The following FBLN1 variants were observed in gnomAD, a reference collection of about 807,000 sequenced individuals.
FBLN1 encodes the protein fibulin-1.
FBLN1 carries 34 observed loss-of-function variants against 89.7 expected under a neutral mutation model. The ratio of observed to expected loss-of-function variants is 0.38; its 90% CI spans 0.29 to 0.50. The LOEUF is 0.50. FBLN1 is among the 20% of genes least tolerant of loss of function. The probability of loss-of-function intolerance (pLI) is 0.92; values close to 1 mark genes in which losing one functional copy is unlikely to be tolerated. For missense variants in FBLN1, 777 were observed against 988.1 expected (o/e 0.79, Z 2.86); for synonymous variants, 393 against 391.3 (o/e 1.00, Z -0.05).
At chr22:45,585,533 C>T (rs1026357657) in intron 16 of FBLN1, among the ~76,000 whole-genome samples, 4 of 152,236 alleles carry the variant, frequency 2.6e-5, no homozygotes, top group Non-Finnish European at 5.9e-5. Context: ...AGTGATTGCC[C>T]TGTCCTGGCT....
chr22:45,568,590 G>A (rs866901063), intron 14 of FBLN1, among the ~76,000 whole-genome samples: 22 of 61,600 alleles, frequency 3.6e-4, no homozygotes, highest in African/African-American at 2.0e-3. Context: ...TGCTCCTGTA[G>A]GGGAATGCTC....
In FBLN1 at chr22:45,525,996, G is replaced by A. The variant is rs137920743; in HGVS notation, c.321+318G>A. On this transcript the variant is annotated intron_variant, in intron 3 of 16. Transcript: ENST00000327858. ...CAGAAGTCAAAGCAGGGCTCCTCCT[G>A]GGCTTCCAGAATCTTCTTCTCAATT... Among the ~76,000 whole-genome samples the A allele has an allele frequency of 2.8e-3, 422 of 152,328 alleles. 1 individual carries two copies. The highest frequency in any genetic ancestry group is 9.9e-3 in the African/African-American group (411 of 41,566).
intron 14 of FBLN1, among the ~76,000 whole-genome samples, chr22:45,559,917 T>G (rs2147008765): frequency 6.6e-6 from 1 of 152,382 alleles, no homozygotes; most frequent in Admixed American, 6.5e-5. Flanking sequence ...CAAGGGGTTC[T>G]GGGTCTGTAA....
chr22:45,508,555 C>T (rs1166685289), intron 1 of FBLN1, among the ~76,000 whole-genome samples: 2 of 152,154 alleles, frequency 1.3e-5, no homozygotes, highest in Non-Finnish European at 2.9e-5. Context: ...GCCACCGCGC[C>T]CAGCCAGCCT....
At chr22:45,571,430 A>G (rs1293456906) in intron 14 of FBLN1, among the ~76,000 whole-genome samples, 3 of 152,266 alleles carry the variant, frequency 2.0e-5, no homozygotes, top group Admixed American at 2.0e-4. Flanking sequence ...AGAGTATAGT[A>G]TGAATTACTG....
rs1476974755 is a variant in FBLN1, at chr22:45,541,192, G to A, written c.923-37G>A. 2 of 1,614,080 alleles carry A rather than the reference G, an allele frequency of 1.2e-6. 1 individual carries two copies. The highest frequency in any genetic ancestry group is 2.2e-5 in the South Asian group (2 of 91,072). ...TTTTTGGGTTCTGGGACACCCTCCA[G>A]GTTTAACCACATGGTCTCTGTCTTT... On this transcript the variant is annotated intron_variant, in intron 8 of 16. Coordinates refer to ENST00000327858, the MANE Select transcript of FBLN1 (RefSeq NM_006486.3).
chr22:45,597,665 A>G lies in FBLN1; in HGVS notation c.1973-2642A>G, dbSNP rs1409369407. Among the ~76,000 whole-genome samples, 3 of 152,156 alleles carry G rather than the reference A, an allele frequency of 2.0e-5. No homozygotes were observed. Among genetic ancestry groups the G allele is most frequent in the African/African-American group, 7.2e-5 (3 of 41,426 alleles). On this transcript the variant is annotated intron_variant, in intron 16 of 16. Transcript: ENST00000327858. The surrounding 1 kb of genome is among the most constrained non-coding windows in gnomAD (Gnocchi z 4.2). ...CTGCTGGCGAGCCCAGGGTGGTGAC[A>G]GGCGCACGTCTTTTGCCGGGAGCTG...
chr22:45,582,781 C>T (rs3827394), intron 16 of FBLN1, among the ~76,000 whole-genome samples: 54,520 of 152,120 alleles, frequency 0.36, 11,638 homozygotes, highest in Admixed American at 0.52. Context: ...ATTTAGTGCA[C>T]GTGTGGCTGG....
intron 4 of FBLN1, 67 bp downstream of exon 4, chr22:45,528,076 G>A (rs182697445): frequency 7.1e-5 from 110 of 1,547,516 alleles, no homozygotes; most frequent in Non-Finnish European, 8.4e-5. Flanking sequence ...TATATAGAGC[G>A]AGAGTGGAGA....
rs1569257782 is a variant in FBLN1 at position 45,562,978 on chromosome 22, C to T, written c.1698-11533C>T. ...CCAAGCTGCCTCTGAGAATAACCTA[C>T]TACCACCTCTCTTTCCCCACCAACA... is the stretch of plus-strand genomic sequence containing the variant. On this transcript the variant is annotated intron_variant, in intron 14 of 16. Transcript: ENST00000327858. The surrounding 1 kb of genome is among the most constrained non-coding windows in gnomAD (Gnocchi z 7.8). The T allele has an allele frequency of 6.2e-7, 1 of 1,613,980 alleles. No homozygotes were observed. Among genetic ancestry groups the T allele is most frequent in the Admixed American group, 1.7e-5 (1 of 60,030 alleles).
At chr22:45,554,807 A>G (rs1280939289) in intron 14 of FBLN1, among the ~76,000 whole-genome samples, 2 of 152,184 alleles carry the variant, frequency 1.3e-5, no homozygotes, top group African/African-American at 4.8e-5. Flanking sequence ...TCAGAGTATG[A>G]TGGGCCAGGA....
rs928922497 is a variant in FBLN1 at position 45,542,103 on chromosome 22, GA to G, written c.1067-46del. On this transcript the variant is annotated intron_variant, in intron 9 of 16. Transcript: ENST00000327858. ...CTTTCCTTTCTGATCATCTTGGGGG[GA>G]AAAAACCCAAACTAAAGGTTTTCAT... The G allele has an allele frequency of 2.9e-5, 46 of 1,613,384 alleles. No individual in the cohort carries two copies. In the East Asian group the frequency reaches 3.6e-4, roughly 13 times the overall value.
chr22:45,558,856 G>C (rs2088820096), intron 14 of FBLN1: 1 of 152,222 alleles, frequency 6.6e-6, no homozygotes, highest in Non-Finnish European at 1.5e-5. Context: ...TTTATTATCA[G>C]ATTTATTTTC....
chr22:45,535,152 T>C, intron 7 of FBLN1, 48 bp from the exon 8 acceptor site: 1 of 1,611,738 alleles, frequency 6.2e-7, no homozygotes, highest in Non-Finnish European at 8.5e-7. Context: ...TGTAAGATGC[T>C]TCTGGCAGGA....
intron 4 of FBLN1, among the ~76,000 whole-genome samples, chr22:45,529,594 G>A (rs1273919929): frequency 6.6e-6 from 1 of 152,194 alleles, no homozygotes; most frequent in Non-Finnish European, 1.5e-5. Flanking sequence ...AGCTGGGCAC[G>A]GTGGCTCACG....
chr22:45,540,811 C>A (rs2088545749), intron 8 of FBLN1, among the ~76,000 whole-genome samples: 1 of 152,212 alleles, frequency 6.6e-6, no homozygotes, highest in Non-Finnish European at 1.5e-5. Context: ...GGGCCTGGCT[C>A]AGCATAGGCC....
At position 45,550,346 on chromosome 22, in the gene FBLN1, C is replaced by A; in HGVS notation, c.1574-146C>A. The A allele has an allele frequency of 1.9e-6, 2 of 1,040,562 alleles. No individual in the cohort carries two copies. Among genetic ancestry groups the A allele is most frequent in the Non-Finnish European group, 3.0e-6 (2 of 677,202 alleles). 64.5% of individuals were successfully genotyped at this position (1,040,562 alleles called of 1,614,324 possible). A position where few individuals can be genotyped will look rare whatever the true frequency, so the allele number is the denominator to read the frequency against. ...ATGTAAGAACTGGCACAGGACGCTG[C>A]TCTGAAGATCAGCCAGTGGAGGGCA... is the stretch of plus-strand genomic sequence containing the variant. On this transcript the variant is annotated intron_variant, in intron 13 of 16. Coordinates refer to ENST00000327858, the MANE Select transcript of FBLN1 (RefSeq NM_006486.3). This position sits in a 1 kb window ranked among gnomAD's most constrained non-coding sequence, Gnocchi z 8.4.
chr22:45,519,911 T>C (rs59398834), intron 2 of FBLN1, among the ~76,000 whole-genome samples: 1 of 152,260 alleles, frequency 6.6e-6, no homozygotes, highest in East Asian at 1.9e-4. Flanking sequence ...GGCTCACCCC[T>C]GTAATCCCAG....
chr22:45,525,218 AGAAAAAG>A (rs2088309219), intron 2 of FBLN1, among the ~76,000 whole-genome samples: 2 of 152,078 alleles, frequency 1.3e-5, no homozygotes, highest in African/African-American at 2.4e-5. Flanking sequence ...AAAGAAAGAG[AGAAAAAG>A]AAAAGAAAAG....
Sources: allele counts gnomAD v4.1 joint callset (sites outside exome capture counted in the v4.1 genomes callset), GRCh38; gene constraint gnomAD v4.1.1; non-coding constraint Gnocchi (gnomAD v3.1); transcripts MANE v1.5; gene names NCBI Gene and HGNC (gene_info 2026-07-23, HGNC 2026-07-21).